LUZP1: variants seen among roughly 807,000 people sequenced by gnomAD.
The protein encoded by LUZP1 is filamin mechanobinding actin cross-linking protein.
LUZP1 carries 25 observed loss-of-function variants against 71.3 expected under a neutral mutation model. That is an observed-to-expected ratio of 0.35 (90% CI 0.26 to 0.49). The LOEUF is 0.49. Ranked by LOEUF, LUZP1 falls within the 20% of genes least tolerant of loss-of-function variation. The pLI is 0.99. For synonymous variants in LUZP1, 481 were observed against 506.4 expected (o/e 0.95, Z 0.67); for missense variants, 1,142 against 1,300.8 (o/e 0.88, Z 1.88).
intron 2 of LUZP1, among the ~76,000 whole-genome samples, chr1:23,124,156 G>C (rs917296788): frequency 1.7e-4 from 26 of 152,188 alleles, no homozygotes; most frequent in South Asian, 8.3e-4. Flanking sequence ...CAAATGGAAA[G>C]CTGCAGCCCT....
At chr1:23,130,981 G>A (rs761188415) in intron 2 of LUZP1, among the ~76,000 whole-genome samples, 3 of 152,026 alleles carry the variant, frequency 2.0e-5, no homozygotes, top group Non-Finnish European at 2.9e-5. Flanking sequence ...ACTTTGGGAG[G>A]CAGAGGTGGG....
chr1:23,088,892 G>A (rs1437587998), exon 5 of LUZP1: 18 of 1,613,514 alleles, frequency 1.1e-5, no homozygotes, highest in Non-Finnish European at 1.4e-5. Context: ...ACACCCAGCG[G>A]GCTCAGTTCT....
intron 3 of LUZP1, among the ~76,000 whole-genome samples, chr1:23,108,474 C>T (rs1220778560): frequency 1.3e-5 from 2 of 152,156 alleles, no homozygotes; most frequent in Non-Finnish European, 2.9e-5. Flanking sequence ...GTGGTGCACA[C>T]CTGTAGTCCC....
chr1:23,143,972 A>C (rs1644324252), intron 2 of LUZP1, among the ~76,000 whole-genome samples: 2 of 152,194 alleles, frequency 1.3e-5, no homozygotes, highest in African/African-American at 2.4e-5. Flanking sequence ...ATCTACCTTC[A>C]ATCATAACTC....
intron 2 of LUZP1, among the ~76,000 whole-genome samples, chr1:23,135,631 C>CTCA (rs1308044916): frequency 1.3e-5 from 2 of 152,184 alleles, no homozygotes; most frequent in African/African-American, 4.8e-5. Flanking sequence ...TGTAAAAGCA[C>CTCA]TCACATTGGA....
At chr1:23,175,245 T>G (rs953010051) in intron 1 of LUZP1, among the ~76,000 whole-genome samples, 5 of 152,180 alleles carry the variant, frequency 3.3e-5, no homozygotes, top group African/African-American at 1.2e-4. Flanking sequence ...GCAAATAAGC[T>G]ATGCACTCAG....
intron 2 of LUZP1, among the ~76,000 whole-genome samples, chr1:23,122,456 T>C (rs1423647674): frequency 6.6e-6 from 1 of 152,200 alleles, no homozygotes; most frequent in Non-Finnish European, 1.5e-5. Context: ...ACCAGCAGCA[T>C]GCAACCAGCA....
Position 23,093,862 on chromosome 1 carries a change from A to G in LUZP1, c.400T>C (p.Cys134Arg). ...TTCAGGCTCAGACACAGCTGGGTAC[A>G]GTCATTCTTACTCCTGCTGAAGGCC... The change falls in exon 4 of 5, where the codon TGT becomes CGT. Residue 134 changes from cysteine to arginine, a missense_variant. Transcript: ENST00000302291. The surrounding 1 kb of genome is among the most constrained non-coding windows in gnomAD (Gnocchi z 4.2). 1 of 1,614,068 alleles carries G rather than the reference A, an allele frequency of 6.2e-7. No homozygotes were observed. Among genetic ancestry groups the G allele is most frequent in the Non-Finnish European group, 8.5e-7 (1 of 1,180,020 alleles).
chr1:23,085,563 T>C (rs1269626995), exon 5 of LUZP1: 1 of 152,546 alleles, frequency 6.6e-6, no homozygotes, highest in African/African-American at 2.4e-5. Context: ...CATTCCTTTA[T>C]TGGGAAGTGG....
chr1:23,164,214 G>A (rs991110293), intron 2 of LUZP1, among the ~76,000 whole-genome samples: 9 of 152,132 alleles, frequency 5.9e-5, no homozygotes, highest in East Asian at 3.9e-4. Flanking sequence ...AATAGTCACC[G>A]GCTGGGCGCG....
chr1:23,163,235 C>T (rs1161321411), intron 2 of LUZP1, among the ~76,000 whole-genome samples: 1 of 125,442 alleles, frequency 8.0e-6, no homozygotes, highest in Admixed American at 8.5e-5. Context: ...GTGAGACTCT[C>T]TCAAAAAAAA....
chr1:23,163,492 G>A (rs1450469756), intron 2 of LUZP1, among the ~76,000 whole-genome samples: 1 of 150,894 alleles, frequency 6.6e-6, no homozygotes, highest in Non-Finnish European at 1.5e-5. Flanking sequence ...GGAGTTCAAG[G>A]CTGCTGTGAG....
intron 2 of LUZP1, among the ~76,000 whole-genome samples, chr1:23,114,307 G>A (rs1644059456): frequency 6.6e-6 from 1 of 152,158 alleles, no homozygotes; most frequent in South Asian, 2.1e-4. Context: ...TGCTGAAGTA[G>A]CATTCAGGAT....
At chr1:23,103,845 AGGGAGGGAG>A (rs1643953132) in intron 3 of LUZP1, among the ~76,000 whole-genome samples, 131 of 3,162 alleles carry the variant, frequency 0.041, 3 homozygotes, top group Non-Finnish European at 0.075. Flanking sequence ...GGAGAGAGGG[AGGGAGGGAG>A]GGAGGGAGGG....
intron 2 of LUZP1, among the ~76,000 whole-genome samples, chr1:23,148,452 T>C (rs570457026): frequency 6.6e-6 from 1 of 152,334 alleles, no homozygotes; most frequent in Non-Finnish European, 1.5e-5. Context: ...CTTTACTAAA[T>C]TTGTATTAGC....
chr1:23,158,707 G>T (rs952809337), intron 2 of LUZP1, among the ~76,000 whole-genome samples: 2 of 143,548 alleles, frequency 1.4e-5, no homozygotes, highest in Middle Eastern at 4.0e-3. Flanking sequence ...TGGCTCATGC[G>T]TTTAATCCCA....
intron 2 of LUZP1, among the ~76,000 whole-genome samples, chr1:23,117,176 T>C (rs889119574): frequency 1.3e-4 from 20 of 152,172 alleles, no homozygotes; most frequent in African/African-American, 4.8e-4. Context: ...CCTGCTGCCC[T>C]GGCAACATGC....
chr1:23,103,857 A>G (rs1569573269), intron 3 of LUZP1, among the ~76,000 whole-genome samples: 2 of 4,396 alleles, frequency 4.5e-4, no homozygotes, highest in East Asian at 8.6e-3. Context: ...GGAGGGAGGG[A>G]GGGAGGGAGG....
intron 1 of LUZP1, among the ~76,000 whole-genome samples, chr1:23,170,841 G>A (rs1490719105): frequency 6.6e-6 from 1 of 151,960 alleles, no homozygotes; most frequent in Non-Finnish European, 1.5e-5. Flanking sequence ...ACCACTTTGG[G>A]AGGATCACTT....
Sources: allele counts gnomAD v4.1 joint callset (sites outside exome capture counted in the v4.1 genomes callset), GRCh38; gene constraint gnomAD v4.1.1; non-coding constraint Gnocchi (gnomAD v3.1); transcripts MANE v1.5; gene names NCBI Gene and HGNC (gene_info 2026-07-23, HGNC 2026-07-21).